Variants in LARGE1 observed in about 807,000 individuals in gnomAD.
LARGE1 encodes the protein xylosyl- and glucuronyltransferase LARGE1.
Under a neutral mutation model 87.6 loss-of-function variants are expected in LARGE1, and 43 were observed. The observed-to-expected ratio is 0.49, with a 90% CI of 0.38 to 0.63. The LOEUF (loss-of-function observed/expected upper bound fraction) is 0.63, where lower values mean the gene tolerates loss of function less well. LARGE1 is among the 30% of genes least tolerant of loss of function. The pLI, the probability that LARGE1 is intolerant of heterozygous loss-of-function variation, is 0.00. For synonymous variants in LARGE1, 434 were observed against 394.6 expected, an observed-to-expected ratio of 1.10 and a Z score of -1.18; for missense variants, 802 against 1,000.2, an observed-to-expected ratio of 0.80 and a Z score of 2.67.
chr22:33,349,587 G>T (rs529872908), intron 9 of LARGE1, among the ~76,000 whole-genome samples: 1 of 152,330 alleles, frequency 6.6e-6, no homozygotes, highest in African/African-American at 2.4e-5. Context: ...ACTCCCCATG[G>T]ATTGTATCTC....
At chr22:33,590,009 A>G (rs974486154) in intron 5 of LARGE1, among the ~76,000 whole-genome samples, 2 of 152,168 alleles carry the variant, frequency 1.3e-5, no homozygotes, top group African/African-American at 4.8e-5. Flanking sequence ...TTTATTCCAT[A>G]TGATAGGCAG....
intron 11 of LARGE1, among the ~76,000 whole-genome samples, chr22:33,255,382 C>T (rs1222859521): frequency 6.6e-6 from 1 of 152,138 alleles, no homozygotes; most frequent in African/African-American, 2.4e-5. Flanking sequence ...AATGGAACAA[C>T]GCGTGGACAC....
intron 6 of LARGE1, among the ~76,000 whole-genome samples, chr22:33,539,611 A>C (rs1475945533): frequency 6.8e-6 from 1 of 148,094 alleles, no homozygotes; most frequent in Non-Finnish European, 1.5e-5. Context: ...TTTTTTTGAG[A>C]CAGGGTCTCG....
intron 6 of LARGE1, among the ~76,000 whole-genome samples, chr22:33,511,498 T>G (rs2071054074): frequency 6.6e-6 from 1 of 152,164 alleles, no homozygotes; most frequent in South Asian, 2.1e-4. Context: ...CCATGGATTT[T>G]AGGTGACCTA....
chr22:33,881,802 C>T (rs2064692274), intron 1 of LARGE1, among the ~76,000 whole-genome samples: 3 of 152,126 alleles, frequency 2.0e-5, no homozygotes, highest in African/African-American at 7.2e-5. Flanking sequence ...AATAGGAACC[C>T]TTAAGTGAGT....
intron 11 of LARGE1, among the ~76,000 whole-genome samples, chr22:33,208,099 A>G (rs985998994): frequency 2.6e-5 from 4 of 152,130 alleles, no homozygotes; most frequent in Non-Finnish European, 5.9e-5. Flanking sequence ...TTAAGGCTCA[A>G]TGTTCTCCGT....
intron 11 of LARGE1, among the ~76,000 whole-genome samples, chr22:33,174,574 A>G (rs1922759088): frequency 6.6e-6 from 1 of 152,204 alleles, no homozygotes; most frequent in Non-Finnish European, 1.5e-5. Flanking sequence ...AAAGATCAAC[A>G]ACAAAATAGA....
At chr22:33,125,733 C>G in the LARGE1 span, among the ~76,000 whole-genome samples, 1 of 152,156 alleles carries the variant, frequency 6.6e-6, no homozygotes, top group African/African-American at 2.4e-5. Flanking sequence ...GTGTGAGTCA[C>G]TGTGCCAGGC....
chr22:33,290,987 T>C (rs1027991567), intron 12 of LARGE1, among the ~76,000 whole-genome samples: 5 of 150,978 alleles, frequency 3.3e-5, no homozygotes, highest in Admixed American at 2.6e-4. Flanking sequence ...TGCAGTGAGC[T>C]GAGATTGCAC....
At chr22:33,895,094 A>C (rs926150449) in intron 1 of LARGE1, among the ~76,000 whole-genome samples, 1 of 152,062 alleles carries the variant, frequency 6.6e-6, no homozygotes, top group Non-Finnish European at 1.5e-5. Context: ...TGGGGAGGAG[A>C]GTACACCTCT....
chr22:33,676,842 G>C (rs1350899075), intron 2 of LARGE1, among the ~76,000 whole-genome samples: 1 of 152,146 alleles, frequency 6.6e-6, no homozygotes, highest in South Asian at 2.1e-4. Flanking sequence ...CACATGTAGA[G>C]AGCAAGATTT....
chr22:33,573,284 C>A (rs987716524), intron 5 of LARGE1, among the ~76,000 whole-genome samples: 3 of 151,970 alleles, frequency 2.0e-5, no homozygotes, highest in African/African-American at 7.3e-5. Context: ...ACTAAAAATA[C>A]AAAAATTAGC....
In LARGE1 at chr22:33,805,887, G is replaced by A. The variant is rs2146117924; in HGVS notation, c.-82-44329C>T. Among the ~76,000 whole-genome samples the A allele has an allele frequency of 1.3e-5, 2 of 152,058 alleles. 1 individual carries two copies. Among genetic ancestry groups the A allele is most frequent in the South Asian group, 4.1e-4 (2 of 4,822 alleles). On this transcript the variant is annotated intron_variant, in intron 1 of 14. Coordinates refer to ENST00000397394, the MANE Select transcript of LARGE1 (RefSeq NM_133642.5). Reference sequence around the variant, plus strand: ...ACTGTCACTATGAACTTTGTCTAATGCCTCTCCCCTTGCTACATTTTATGA... The same window carrying A: ...ACTGTCACTATGAACTTTGTCTAATACCTCTCCCCTTGCTACATTTTATGA...
intron 6 of LARGE1, among the ~76,000 whole-genome samples, chr22:33,486,244 C>A (rs1433961682): frequency 6.6e-6 from 1 of 152,198 alleles, no homozygotes; most frequent in African/African-American, 2.4e-5. Flanking sequence ...CCTGAAGGCG[C>A]TTCCATCTCT....
intron 2 of LARGE1, among the ~76,000 whole-genome samples, chr22:33,744,582 G>A (rs1452842045): frequency 2.0e-5 from 3 of 152,206 alleles, no homozygotes; most frequent in African/African-American, 7.2e-5. Context: ...GCCCTCTCCT[G>A]ACCTCTGGCC....
chr22:33,139,317 T>C, the LARGE1 span, among the ~76,000 whole-genome samples: 1 of 152,220 alleles, frequency 6.6e-6, no homozygotes, highest in Non-Finnish European at 1.5e-5. Flanking sequence ...ATGAATTCTC[T>C]ATTCATATCC....
intron 2 of LARGE1, among the ~76,000 whole-genome samples, chr22:33,668,172 T>C (rs896122552): frequency 3.3e-5 from 5 of 152,342 alleles, no homozygotes; most frequent in Non-Finnish European, 5.9e-5. Context: ...TTGTTAATTA[T>C]AGGTAAAGAT....
rs1366252037 is a variant in LARGE1 at position 33,660,097 on chromosome 22, T to G, written c.107-9429A>C. The stretch of plus-strand genomic sequence containing the variant: ...GTGTGTGTGTGTGTGTGTGTTTTTT[T>G]TTTTTTTTTTTGCCAAATATGCTAA... On this transcript the variant is annotated intron_variant, in intron 2 of 14. Coordinates refer to ENST00000397394, the MANE Select transcript of LARGE1 (RefSeq NM_133642.5). 5.8e-3 allele frequency among the ~76,000 whole-genome samples: 877 copies of G among 150,738 alleles called. 6 individuals carry two copies. Among genetic ancestry groups the G allele is most frequent in the African/African-American group, 0.02 (813 of 41,042 alleles).
At chr22:33,921,392 C>T (rs934152917), upstream of LARGE1, among the ~76,000 whole-genome samples, 16 of 152,188 alleles carry the variant, frequency 1.1e-4, no homozygotes, top group Non-Finnish European at 2.2e-4. The surrounding 1 kb of genome is among the most constrained non-coding windows in gnomAD (Gnocchi z 4.1). Context: ...GGAAGCGGGA[C>T]GGGCCCGCAG....
Sources: allele counts gnomAD v4.1 joint callset (sites outside exome capture counted in the v4.1 genomes callset), GRCh38; gene constraint gnomAD v4.1.1; non-coding constraint Gnocchi (gnomAD v3.1); transcripts MANE v1.5; gene names NCBI Gene and HGNC (gene_info 2026-07-23, HGNC 2026-07-21).